PTPRD: variants seen among roughly 807,000 people sequenced by gnomAD.
PTPRD encodes the protein receptor-type tyrosine-protein phosphatase delta.
A neutral mutation model predicts 214.5 loss-of-function variants in PTPRD; 34 were observed. The observed-to-expected ratio is 0.16, with a 90% CI of 0.12 to 0.21. The LOEUF (loss-of-function observed/expected upper bound fraction) is 0.21, where lower values mean the gene tolerates loss of function less well. Ranked by LOEUF, PTPRD falls within the 10% of genes least tolerant of loss-of-function variation. PTPRD has a pLI of 1.00. For missense variants in PTPRD, 2,545 were observed against 2,398.7 expected, an observed-to-expected ratio of 1.06 and a Z score of -1.27; for synonymous variants, 1,128 against 845.7, an observed-to-expected ratio of 1.33 and a Z score of -5.79.
chr9:9,807,774 T>A (rs1455019721), intron 5 of PTPRD, among the ~76,000 whole-genome samples: 2 of 152,154 alleles, frequency 1.3e-5, no homozygotes, highest in African/African-American at 2.4e-5. Context: ...AACATAGGAT[T>A]TCTACTCATG....
At chr9:10,083,410 A>C (rs947105597) in intron 3 of PTPRD, among the ~76,000 whole-genome samples, 11 of 152,062 alleles carry the variant, frequency 7.2e-5, no homozygotes, top group South Asian at 2.1e-4. Flanking sequence ...AGGGCATGAC[A>C]TGATACACAA....
In PTPRD at chr9:8,317,308, TA is replaced by T. The variant is rs944950989; in HGVS notation, c.*565del. The T allele has an allele frequency of 6.0e-5, 14 of 231,958 alleles. No individual in the cohort carries two copies. The highest frequency in any genetic ancestry group is 2.7e-4 in the African/African-American group (12 of 45,194). 14.4% of individuals were successfully genotyped at this position (231,958 alleles called of 1,614,324 possible). On this transcript the variant is annotated 3_prime_UTR_variant, in exon 46 of 46. Coordinates refer to ENST00000381196, the MANE Select transcript of PTPRD (RefSeq NM_002839.4). ...CACTTTATCGAATGATACATTTTGT[TA>T]AAAAAAAGTTTACACAGTTAGAAAT...
At position 8,733,018 on chromosome 9, in the gene PTPRD, C is replaced by G. The variant is rs139716608; in HGVS notation, c.64+762G>C. ...CAGGGAGTACAAGGCCGAGACATGC[C>G]TTTCTCCAATACTATCTCTTCCAAA... On this transcript the variant is annotated intron_variant, in intron 12 of 45. Coordinates refer to ENST00000381196, the MANE Select transcript of PTPRD (RefSeq NM_002839.4). Among the ~76,000 whole-genome samples, 1,456 of 152,322 alleles carry G rather than the reference C, an allele frequency of 9.6e-3. 6 individuals carry two copies. The highest frequency in any genetic ancestry group is 0.016 in the Non-Finnish European group (1,060 of 68,042).
intron 6 of PTPRD, among the ~76,000 whole-genome samples, chr9:9,744,274 G>T (rs1596524879): frequency 6.6e-6 from 1 of 152,046 alleles, no homozygotes; most frequent in East Asian, 1.9e-4. Context: ...CCTTTCCTTT[G>T]GAGGGAAATG....
chr9:9,965,226 G>A (rs2094603845), intron 4 of PTPRD, among the ~76,000 whole-genome samples: 1 of 152,138 alleles, frequency 6.6e-6, no homozygotes, highest in Non-Finnish European at 1.5e-5. Flanking sequence ...AAACTGCTGT[G>A]GAACCTCAGG....
At chr9:10,393,706 TAA>T (rs1491157917) in intron 2 of PTPRD, among the ~76,000 whole-genome samples, 3 of 147,076 alleles carry the variant, frequency 2.0e-5, no homozygotes, top group South Asian at 4.2e-4. Context: ...ATAATATATA[TAA>T]TATATATATA....
intron 3 of PTPRD, among the ~76,000 whole-genome samples, chr9:10,073,831 T>C (rs534983935): frequency 3.3e-5 from 5 of 152,136 alleles, no homozygotes; most frequent in Admixed American, 6.6e-5. Flanking sequence ...AGTGAACTAC[T>C]ATACTGGGTT....
chr9:9,903,396 G>C (rs911243123), intron 5 of PTPRD, among the ~76,000 whole-genome samples: 5 of 152,028 alleles, frequency 3.3e-5, no homozygotes, highest in Non-Finnish European at 5.9e-5. Context: ...TGCCACATTA[G>C]TAAAACTGAG....
chr9:10,403,900 T>C (rs926006874), intron 2 of PTPRD, among the ~76,000 whole-genome samples: 1 of 151,692 alleles, frequency 6.6e-6, no homozygotes, highest in East Asian at 2.0e-4. Context: ...AAAAATACTC[T>C]GTACGATACT....
At chr9:9,906,085 G>A (rs2077500835) in intron 5 of PTPRD, among the ~76,000 whole-genome samples, 1 of 151,964 alleles carries the variant, frequency 6.6e-6, no homozygotes, top group African/African-American at 2.4e-5. Context: ...CAGGATGCCT[G>A]CGAGGCAAAC....
intron 3 of PTPRD, among the ~76,000 whole-genome samples, chr9:10,292,745 C>T (rs915190950): frequency 2.0e-5 from 3 of 151,786 alleles, no homozygotes; most frequent in African/African-American, 7.2e-5. Flanking sequence ...CCGGCACTCT[C>T]CTGATGAATG....
intron 10 of PTPRD, among the ~76,000 whole-genome samples, chr9:9,083,978 T>G (rs1032555416): frequency 3.3e-5 from 5 of 152,148 alleles, no homozygotes; most frequent in African/African-American, 1.2e-4. Flanking sequence ...GTTCAACCAT[T>G]GTGGAAGACA....
At chr9:8,697,133 G>A (rs1001940393) in intron 12 of PTPRD, among the ~76,000 whole-genome samples, 2 of 152,076 alleles carry the variant, frequency 1.3e-5, no homozygotes, top group African/African-American at 2.4e-5. Flanking sequence ...AGAAAATCAC[G>A]ACCATGGAAC....
At chr9:8,453,102 C>G (rs775899802) in intron 33 of PTPRD, among the ~76,000 whole-genome samples, 1 of 152,086 alleles carries the variant, frequency 6.6e-6, no homozygotes, top group East Asian at 1.9e-4. Context: ...AAGAGGATGT[C>G]TAAGTTTTGG....
At chr9:9,728,029 A>T (rs1246957249) in intron 7 of PTPRD, among the ~76,000 whole-genome samples, 1 of 152,150 alleles carries the variant, frequency 6.6e-6, no homozygotes, top group African/African-American at 2.4e-5. Context: ...AGTTTCCCCC[A>T]TACAGTTCTT....
chr9:9,226,732 A>G (rs1166818284), intron 9 of PTPRD, among the ~76,000 whole-genome samples: 1 of 152,098 alleles, frequency 6.6e-6, no homozygotes, highest in Admixed American at 6.6e-5. Flanking sequence ...CAGAACATTT[A>G]AACTATAAGC....
At chr9:9,878,096 G>A (rs893758226) in intron 5 of PTPRD, among the ~76,000 whole-genome samples, 1 of 151,878 alleles carries the variant, frequency 6.6e-6, no homozygotes, top group Non-Finnish European at 1.5e-5. Flanking sequence ...GCCAACTGTG[G>A]TAGAGATTAA....
chr9:10,008,131 G>A (rs554479982), intron 4 of PTPRD, among the ~76,000 whole-genome samples: 9 of 151,974 alleles, frequency 5.9e-5, no homozygotes, highest in South Asian at 2.1e-4. Flanking sequence ...ACCTCAACCC[G>A]CTTAACAAAT....
intron 11 of PTPRD, among the ~76,000 whole-genome samples, chr9:8,852,562 G>C (rs544594731): frequency 3.9e-5 from 6 of 152,304 alleles, no homozygotes; most frequent in South Asian, 4.1e-4. Context: ...AGGTTTGCTC[G>C]TCGCAGGTGA....
Sources: gnomAD v4.1 joint callset for allele counts (sites outside exome capture counted in the v4.1 genomes callset) on GRCh38, gnomAD v4.1.1 for gene constraint, MANE v1.5 for transcripts, NCBI Gene and HGNC (gene_info 2026-07-23, HGNC 2026-07-21) for gene names.